Variants in EPB41L4A observed in about 807,000 individuals in gnomAD.
The protein encoded by EPB41L4A is band 4.1-like protein 4A.
A neutral mutation model predicts 108.6 loss-of-function variants in EPB41L4A; 100 were observed. The observed-to-expected ratio is 0.92, with a 90% CI of 0.78 to 1.09. EPB41L4A has a LOEUF of 1.09. Among genes scored for constraint, EPB41L4A ranks in the 50% least tolerant of loss-of-function variants. EPB41L4A has a pLI of 0.00. For missense variants in EPB41L4A, 1,030 were observed against 842.7 expected, an observed-to-expected ratio of 1.22 and a Z score of -2.75; for synonymous variants, 319 against 289.0, an observed-to-expected ratio of 1.10 and a Z score of -1.05.
chr5:112,210,179 A>G (rs970421170), intron 12 of EPB41L4A, 197 bp from the exon 13 acceptor site: 2 of 431,530 alleles, frequency 4.6e-6, no homozygotes, highest in African/African-American at 2.1e-5. Flanking sequence ...AACCCTCAAC[A>G]TAACAATGTC....
At chr5:112,407,205 C>G (rs1239762645) in intron 1 of EPB41L4A, among the ~76,000 whole-genome samples, 1 of 152,086 alleles carries the variant, frequency 6.6e-6, no homozygotes, top group African/African-American at 2.4e-5. Context: ...GGAGCAGTAG[C>G]CCACACATTT....
chr5:112,361,061 G>A (rs889227438), intron 1 of EPB41L4A, among the ~76,000 whole-genome samples: 6 of 152,056 alleles, frequency 3.9e-5, no homozygotes, highest in Non-Finnish European at 7.4e-5. Flanking sequence ...TGACGATGGC[G>A]GTTTTGTCAA....
chr5:112,362,282 GTTT>G (rs34273954), intron 1 of EPB41L4A, among the ~76,000 whole-genome samples: 1 of 134,704 alleles, frequency 7.4e-6, no homozygotes. Context: ...GAGCATTAAT[GTTT>G]TTTTTTTTTT....
At chr5:112,373,547 T>C (rs1759626040) in intron 1 of EPB41L4A, among the ~76,000 whole-genome samples, 1 of 152,288 alleles carries the variant, frequency 6.6e-6, no homozygotes, top group African/African-American at 2.4e-5. Flanking sequence ...ATGTGTCATG[T>C]GTTATTTTAG....
At chr5:112,234,022 A>C (rs1298076010) in intron 12 of EPB41L4A, among the ~76,000 whole-genome samples, 1 of 151,964 alleles carries the variant, frequency 6.6e-6, no homozygotes, top group East Asian at 1.9e-4. Flanking sequence ...AAACCCCTTC[A>C]AAAAGAACGT....
intron 1 of EPB41L4A, among the ~76,000 whole-genome samples, chr5:112,411,269 G>A (rs531038253): frequency 3.2e-4 from 49 of 152,156 alleles, no homozygotes; most frequent in African/African-American, 1.2e-3. Flanking sequence ...GCATTCTAGT[G>A]GTGGTTGAGG....
intron 1 of EPB41L4A, among the ~76,000 whole-genome samples, chr5:112,395,166 A>G (rs1430282036): frequency 6.6e-6 from 1 of 152,218 alleles, no homozygotes; most frequent in African/African-American, 2.4e-5. Flanking sequence ...AGGCAATACC[A>G]TTCAGGACAT....
At chr5:112,233,471 C>G (rs1749104382) in intron 12 of EPB41L4A, among the ~76,000 whole-genome samples, 1 of 152,132 alleles carries the variant, frequency 6.6e-6, no homozygotes, top group Admixed American at 6.5e-5. Context: ...TATATACTTT[C>G]TATATGTGTA....
intron 18 of EPB41L4A, among the ~76,000 whole-genome samples, chr5:112,179,515 A>C (rs1427919122): frequency 6.6e-6 from 1 of 152,144 alleles, no homozygotes; most frequent in Non-Finnish European, 1.5e-5. Flanking sequence ...GAATGCAAGG[A>C]TGTGTCATTC....
rs114850858 is a variant in EPB41L4A, at chr5:112,250,983, C to G, written c.795+8246G>C. Among the ~76,000 whole-genome samples the G allele has an allele frequency of 4.8e-3, 728 of 152,246 alleles. 3 individuals carry two copies. The highest frequency in any genetic ancestry group is 0.016 in the African/African-American group (672 of 41,544). ...AGGTTAAGTGTTGTTCAGTGAACTG[C>G]CCACAGTTAGTGAGCAAGAGACCTG... On this transcript the variant is annotated intron_variant, in intron 9 of 22. Coordinates refer to ENST00000261486, the MANE Select transcript of EPB41L4A (RefSeq NM_022140.5).
downstream of EPB41L4A, chr5:112,162,552 C>T (rs1437917728): frequency 6.6e-6 from 1 of 152,140 alleles, no homozygotes; most frequent in Non-Finnish European, 1.5e-5. Context: ...ATTTTTCCTC[C>T]AACTAAATTG....
chr5:112,263,412 A>G (rs1374851709), intron 6 of EPB41L4A: 2 of 152,218 alleles, frequency 1.3e-5, no homozygotes, highest in African/African-American at 4.8e-5. Flanking sequence ...ATGTTCATCA[A>G]ATTAGACACA....
intron 13 of EPB41L4A, among the ~76,000 whole-genome samples, chr5:112,206,758 C>T (rs1280662371): frequency 6.6e-6 from 1 of 152,220 alleles, no homozygotes; most frequent in African/African-American, 2.4e-5. Flanking sequence ...TAAGGTATTT[C>T]TCATCTGAAG....
intron 9 of EPB41L4A, among the ~76,000 whole-genome samples, chr5:112,247,109 A>G (rs1460877526): frequency 6.6e-6 from 1 of 152,050 alleles, no homozygotes; most frequent in Non-Finnish European, 1.5e-5. Context: ...CTTGTTTCTC[A>G]GAACATATCC....
intron 1 of EPB41L4A, among the ~76,000 whole-genome samples, chr5:112,350,503 C>G (rs1757970565): frequency 6.6e-6 from 1 of 152,196 alleles, no homozygotes; most frequent in Non-Finnish European, 1.5e-5. Context: ...TCTCTTCTAG[C>G]TATTTTGAAA....
intron 9 of EPB41L4A, 45 bp from the exon 10 acceptor site, chr5:112,240,855 G>A (rs1749735788): frequency 2.5e-6 from 3 of 1,222,892 alleles, no homozygotes; most frequent in Non-Finnish European, 3.5e-6. Flanking sequence ...ACCAGGGAAG[G>A]AAGATAGCAT....
At chr5:112,261,278 T>C (rs1364909790) in intron 7 of EPB41L4A, among the ~76,000 whole-genome samples, 1 of 152,142 alleles carries the variant, frequency 6.6e-6, no homozygotes, top group Admixed American at 6.5e-5. Flanking sequence ...TAATATGAGA[T>C]TGTTTCTTCT....
intron 1 of EPB41L4A, among the ~76,000 whole-genome samples, chr5:112,366,593 C>T (rs1759135495): frequency 6.6e-6 from 1 of 152,028 alleles, no homozygotes; most frequent in South Asian, 2.1e-4. Context: ...AGCCCACCTG[C>T]AGGGAGGACA....
At chr5:112,179,492 G>A (rs1761038663) in intron 18 of EPB41L4A, among the ~76,000 whole-genome samples, 1 of 151,956 alleles carries the variant, frequency 6.6e-6, no homozygotes, top group African/African-American at 2.4e-5. Context: ...TGACCACAAG[G>A]GGCTTATGCT....
Sources: allele counts gnomAD v4.1 joint callset (sites outside exome capture counted in the v4.1 genomes callset), GRCh38; gene constraint gnomAD v4.1.1; transcripts MANE v1.5; gene names NCBI Gene and HGNC (gene_info 2026-07-23, HGNC 2026-07-21).